The following ABHD12 variants were observed in gnomAD, a reference collection of about 807,000 sequenced individuals.
ABHD12 encodes the protein lysophosphatidylserine lipase ABHD12.
Under a neutral mutation model 58.3 loss-of-function variants are expected in ABHD12, and 43 were observed. That is an observed-to-expected ratio of 0.74 (90% CI 0.58 to 0.95). ABHD12 has a LOEUF of 0.95. Ranked by LOEUF, ABHD12 falls within the 40% of genes least tolerant of loss-of-function variation. The pLI, the probability that ABHD12 is intolerant of heterozygous loss-of-function variation, is 0.00. For synonymous variants in ABHD12, 219 were observed against 211.2 expected, an observed-to-expected ratio of 1.04 and a Z score of -0.32; for missense variants, 539 against 537.2, an observed-to-expected ratio of 1.00 and a Z score of -0.03.
intron 1 of ABHD12, among the ~76,000 whole-genome samples, chr20:25,364,413 G>A (rs2089792128): frequency 6.6e-6 from 1 of 152,182 alleles, no homozygotes; most frequent in Admixed American, 6.5e-5. Flanking sequence ...TTCCACTCAG[G>A]GTGGAAAGCA....
At chr20:25,316,047 G>A (rs189996252) in intron 5 of ABHD12, among the ~76,000 whole-genome samples, 130 of 152,268 alleles carry the variant, frequency 8.5e-4, no homozygotes, top group African/African-American at 3.0e-3. Context: ...GAGACCTGCA[G>A]GCGCTCCCAC....
At chr20:25,337,506 T>C (rs1396401556) in intron 2 of ABHD12, among the ~76,000 whole-genome samples, 1 of 152,248 alleles carries the variant, frequency 6.6e-6, no homozygotes, top group Non-Finnish European at 1.5e-5. Flanking sequence ...CTGTAGGCTG[T>C]GTGTCTACAG....
chr20:25,376,919 T>C (rs1048168975), intron 1 of ABHD12, among the ~76,000 whole-genome samples: 2 of 152,320 alleles, frequency 1.3e-5, no homozygotes, highest in Admixed American at 1.3e-4. Context: ...GAACTCTTTA[T>C]TACTTTGGAA....
chr20:25,343,090 T>A (rs1346949092), intron 1 of ABHD12, among the ~76,000 whole-genome samples: 1 of 152,208 alleles, frequency 6.6e-6, no homozygotes, highest in Non-Finnish European at 1.5e-5. Flanking sequence ...CCACCACACC[T>A]GGCCTAAAGT....
At chr20:25,339,935 CCGT>C (rs2089433349) in intron 1 of ABHD12, among the ~76,000 whole-genome samples, 1 of 152,228 alleles carries the variant, frequency 6.6e-6, no homozygotes, top group Non-Finnish European at 1.5e-5. Flanking sequence ...TTTTCCAGGC[CCGT>C]CAAGCCAGGT....
At chr20:25,357,291 A>C (rs937320410) in intron 1 of ABHD12, among the ~76,000 whole-genome samples, 2 of 152,222 alleles carry the variant, frequency 1.3e-5, no homozygotes, top group Admixed American at 6.5e-5. Context: ...CATCCAGCCT[A>C]ATCAGGCTCT....
chr20:25,382,819 G>T (rs1453685496), intron 1 of ABHD12, among the ~76,000 whole-genome samples: 1 of 152,186 alleles, frequency 6.6e-6, no homozygotes, highest in Non-Finnish European at 1.5e-5. Flanking sequence ...ACAGGATGCA[G>T]AGTCCTAATA....
chr20:25,347,685 C>G (rs568077583), intron 1 of ABHD12, among the ~76,000 whole-genome samples: 2 of 151,784 alleles, frequency 1.3e-5, no homozygotes, highest in African/African-American at 4.8e-5. Context: ...TAAAAATTAG[C>G]TGGGCACAGT....
intron 1 of ABHD12, among the ~76,000 whole-genome samples, chr20:25,356,359 G>C (rs2089668382): frequency 6.6e-6 from 1 of 152,226 alleles, no homozygotes; most frequent in South Asian, 2.1e-4. Context: ...CAGGCAGATG[G>C]CCACCTGTCT....
chr20:25,356,878 G>C (rs1033926884), intron 1 of ABHD12, among the ~76,000 whole-genome samples: 1 of 152,146 alleles, frequency 6.6e-6, no homozygotes, highest in Admixed American at 6.5e-5. Flanking sequence ...GCACGCACCT[G>C]TAATCCCAGC....
At chr20:25,340,359 T>C (rs375361130) in intron 1 of ABHD12, among the ~76,000 whole-genome samples, 11 of 152,364 alleles carry the variant, frequency 7.2e-5, no homozygotes, top group Admixed American at 3.9e-4. Flanking sequence ...TAAATTTCTT[T>C]AAGCCAGAGA....
chr20:25,359,423 C>CAAAAACAAAAAAA (rs2089713725), intron 1 of ABHD12, among the ~76,000 whole-genome samples: 1 of 63,126 alleles, frequency 1.6e-5, no homozygotes, highest in African/African-American at 4.2e-5. Context: ...GACTCCGTCT[C>CAAAAACAAAAAAA]AAAAAAAAAA....
chr20:25,329,373 C>T (rs1386162790), intron 2 of ABHD12, among the ~76,000 whole-genome samples: 1 of 152,236 alleles, frequency 6.6e-6, no homozygotes, highest in African/African-American at 2.4e-5. Context: ...GCAAACAAGG[C>T]CCACAGGGCT....
At chr20:25,352,074 C>T (rs2089607754) in intron 1 of ABHD12, among the ~76,000 whole-genome samples, 2 of 152,042 alleles carry the variant, frequency 1.3e-5, no homozygotes, top group Non-Finnish European at 2.9e-5. Context: ...TCACCGCAAC[C>T]TCCACCTCCT....
intron 1 of ABHD12, among the ~76,000 whole-genome samples, chr20:25,346,439 A>G (rs1021294546): frequency 6.6e-6 from 1 of 152,208 alleles, no homozygotes; most frequent in Non-Finnish European, 1.5e-5. Flanking sequence ...CACAACATCA[A>G]GAGTGAACCC....
intron 1 of ABHD12, among the ~76,000 whole-genome samples, chr20:25,357,502 G>A (rs551442065): frequency 2.6e-5 from 4 of 152,248 alleles, no homozygotes; most frequent in Admixed American, 1.3e-4. Flanking sequence ...AGTTTCTATC[G>A]TGAACCACTT....
downstream of ABHD12, chr20:25,300,204 G>C (rs2088610017): frequency 2.0e-6 from 2 of 996,146 alleles, no homozygotes; most frequent in Admixed American, 5.4e-5. Context: ...GCGCTGCAGA[G>C]AGACAAAAGG....
At chr20:25,296,570 C>T, downstream of ABHD12, 1 of 1,570,256 alleles carries the variant, frequency 6.4e-7, no homozygotes, top group Non-Finnish European at 8.6e-7. Flanking sequence ...TTCTTGCTGA[C>T]TTTGCACCTC....
At chr20:25,297,580 C>G (rs1353034826), downstream of ABHD12, 1 of 152,326 alleles carries the variant, frequency 6.6e-6, no homozygotes, top group Non-Finnish European at 1.5e-5. Flanking sequence ...GCAGGCCTGG[C>G]ACTGGGAGGT....
Sources: allele counts gnomAD v4.1 joint callset (sites outside exome capture counted in the v4.1 genomes callset), GRCh38; gene constraint gnomAD v4.1.1; transcripts MANE v1.5; gene names NCBI Gene and HGNC (gene_info 2026-07-23, HGNC 2026-07-21).